The following SATB2 variants were observed in gnomAD, a reference collection of about 807,000 sequenced individuals.
SATB2 encodes the protein SATB homeobox 2, also known as DNA-binding protein SATB2.
Under a neutral mutation model 73.4 loss-of-function variants are expected in SATB2, and 1 was observed. The ratio of observed to expected loss-of-function variants is 0.01; its 90% CI spans 0.00 to 0.06. The LOEUF is 0.06. Among genes scored for constraint, SATB2 ranks in the 10% least tolerant of loss-of-function variants. The probability of loss-of-function intolerance (pLI) is 1.00; values close to 1 mark genes in which losing one functional copy is unlikely to be tolerated. For synonymous variants in SATB2, 397 were observed against 367.0 expected (o/e 1.08, Z -0.93); for missense variants, 459 against 945.8 (o/e 0.49, Z 6.75).
intron 3 of SATB2, chr2:199,397,740 T>C (rs1487077206): frequency 2.4e-6 from 1 of 417,334 alleles, no homozygotes; most frequent in Non-Finnish European, 4.8e-6. Context: ...AATACGGAAA[T>C]AAGCCAGGCA....
chr2:199,283,180 T>C (rs1405684117), intron 10 of SATB2, among the ~76,000 whole-genome samples: 1 of 150,870 alleles, frequency 6.6e-6, no homozygotes, highest in Admixed American at 6.6e-5. Context: ...GCCTCCTGGG[T>C]TCACGCCATT....
intron 7 of SATB2, 115 bp from the exon 8 acceptor site, chr2:199,329,025 A>C: frequency 1.3e-6 from 1 of 780,512 alleles, no homozygotes. Flanking sequence ...CTGTGATGTC[A>C]AGAACCTCAC....
chr2:199,285,053 A>T (rs1349943862), intron 10 of SATB2, among the ~76,000 whole-genome samples: 1 of 152,128 alleles, frequency 6.6e-6, no homozygotes, highest in African/African-American at 2.4e-5. Context: ...ATACAAGGGG[A>T]TGACTGTGTA....
chr2:199,407,864 A>G lies in SATB2; in HGVS notation c.346+25474T>C, dbSNP rs575199118. 2.0e-5 allele frequency among the ~76,000 whole-genome samples: 3 copies of G among 152,324 alleles called. No individual in the cohort carries two copies. The East Asian group carries it at 5.8e-4, about 29-fold the overall frequency. ...AAGCGATATCTGATGGTAAAAATAA[A>G]TAAATAAATAAAATCATGAACAAAC... On this transcript the variant is annotated intron_variant, in intron 3 of 10. Transcript: ENST00000417098.
At chr2:199,397,867 A>AAAAC (rs201553713) in intron 3 of SATB2, 7 of 318,704 alleles carry the variant, frequency 2.2e-5, no homozygotes, top group South Asian at 9.3e-5. Context: ...GACTGTCTCA[A>AAAAC]AAACAAACAA....
At chr2:199,443,876 T>C (rs1286644227) in intron 2 of SATB2, among the ~76,000 whole-genome samples, 3 of 152,176 alleles carry the variant, frequency 2.0e-5, no homozygotes, top group Admixed American at 2.0e-4. Flanking sequence ...TAGTGTGTAT[T>C]CTCCAGTCCC....
At chr2:199,320,921 G>A (rs925621818) in intron 9 of SATB2, among the ~76,000 whole-genome samples, 2 of 152,240 alleles carry the variant, frequency 1.3e-5, no homozygotes, top group Middle Eastern at 3.4e-3. Context: ...GAAGGAGAAG[G>A]TTGCTATGCA....
At chr2:199,306,137 AC>A in intron 10 of SATB2, among the ~76,000 whole-genome samples, 1 of 152,292 alleles carries the variant, frequency 6.6e-6, no homozygotes, top group East Asian at 1.9e-4. Context: ...TTGGACAATT[AC>A]AGACCTTTTT....
chr2:199,310,933 G>A (rs1027374349), intron 9 of SATB2, among the ~76,000 whole-genome samples: 3 of 152,154 alleles, frequency 2.0e-5, no homozygotes, highest in South Asian at 2.1e-4. Context: ...ATTCATTGCC[G>A]CATTTGATTT....
upstream of SATB2, chr2:199,465,179 G>A (rs1014720524): frequency 6.6e-6 from 1 of 152,218 alleles, no homozygotes; most frequent in African/African-American, 2.4e-5. Context: ...AAGTGTGAGT[G>A]TAGATGTGTG....
At chr2:199,326,465 A>C (rs1688031251) in intron 8 of SATB2, among the ~76,000 whole-genome samples, 1 of 152,114 alleles carries the variant, frequency 6.6e-6, no homozygotes, top group African/African-American at 2.4e-5. Flanking sequence ...GGGCCTTGTA[A>C]GTCAGTCTGG....
chr2:199,386,761 CACACA>C (rs1258859209), intron 3 of SATB2, among the ~76,000 whole-genome samples: 4 of 124,902 alleles, frequency 3.2e-5, no homozygotes, highest in African/African-American at 1.2e-4. Flanking sequence ...CACACACACA[CACACA>C]CCTTTGAGTT....
intron 7 of SATB2, among the ~76,000 whole-genome samples, chr2:199,341,073 A>G (rs763980828): frequency 3.9e-5 from 6 of 152,208 alleles, no homozygotes; most frequent in Non-Finnish European, 8.8e-5. Flanking sequence ...AAGTCTTAAA[A>G]TACTGTCATA....
chr2:199,395,137 T>C (rs185107235), intron 3 of SATB2, among the ~76,000 whole-genome samples: 62 of 152,272 alleles, frequency 4.1e-4, no homozygotes, highest in African/African-American at 1.5e-3. Flanking sequence ...TCTAATTTTC[T>C]GAATACAGAT....
intron 7 of SATB2, among the ~76,000 whole-genome samples, chr2:199,345,493 G>A (rs1269496265): frequency 7.3e-6 from 1 of 137,140 alleles, no homozygotes; most frequent in African/African-American, 2.8e-5. Context: ...ACACTTCAAC[G>A]TCAAAATAAC....
At chr2:199,343,904 G>A (rs965805347) in intron 7 of SATB2, among the ~76,000 whole-genome samples, 2 of 151,990 alleles carry the variant, frequency 1.3e-5, no homozygotes, top group African/African-American at 4.8e-5. Context: ...TTTATAACTT[G>A]GCACTTGAAA....
rs1431129720 is a variant in SATB2 at position 199,365,550 on chromosome 2, G to A, written c.700+3055C>T. On this transcript the variant is annotated intron_variant, in intron 6 of 10. Coordinates refer to ENST00000417098, the MANE Select transcript of SATB2 (RefSeq NM_001172509.2). Reference sequence around the variant, plus strand: ...GAATGTGCTTTGCTGTGATCACTGGGGAAAATAAAGTTAACATGCTAAGCC... The same window carrying A: ...GAATGTGCTTTGCTGTGATCACTGGAGAAAATAAAGTTAACATGCTAAGCC... 2.6e-5 allele frequency among the ~76,000 whole-genome samples: 4 copies of A among 151,918 alleles called. 1 individual carries two copies. The highest frequency in any genetic ancestry group is 2.6e-4 in the Admixed American group (4 of 15,244).
chr2:199,400,622 T>C (rs768716203), intron 3 of SATB2, among the ~76,000 whole-genome samples: 2 of 152,234 alleles, frequency 1.3e-5, no homozygotes, highest in African/African-American at 2.4e-5. Context: ...TATAATATCA[T>C]GAATGAAGAG....
intron 3 of SATB2, among the ~76,000 whole-genome samples, chr2:199,385,716 T>TG (rs1689911420): frequency 6.6e-6 from 1 of 152,100 alleles, no homozygotes. Context: ...CTGGCTCAAG[T>TG]GAGAGGCAAA....
Sources: allele counts gnomAD v4.1 joint callset (sites outside exome capture counted in the v4.1 genomes callset), GRCh38; gene constraint gnomAD v4.1.1; transcripts MANE v1.5; gene names NCBI Gene and HGNC (gene_info 2026-07-23, HGNC 2026-07-21).